HYDIN: variants seen among roughly 807,000 people sequenced by gnomAD.
HYDIN encodes the protein axonemal central pair apparatus protein HYDIN.
A neutral mutation model predicts 403.9 loss-of-function variants in HYDIN; 132 were observed. The ratio of observed to expected loss-of-function variants is 0.33; its 90% CI spans 0.28 to 0.38. HYDIN has a LOEUF of 0.38. Ranked by LOEUF, HYDIN falls within the 10% of genes least tolerant of loss-of-function variation. The probability of loss-of-function intolerance (pLI) is 1.00; values close to 1 mark genes in which losing one functional copy is unlikely to be tolerated. For missense variants in HYDIN, 2,827 were observed against 5,009.5 expected, an observed-to-expected ratio of 0.56 and a Z score of 13.15; for synonymous variants, 1,202 against 1,891.7, an observed-to-expected ratio of 0.64 and a Z score of 9.46.
rs1364034221 is a variant in HYDIN, at chr16:70,868,777, G to A, written c.11103C>T (p.Leu3701=). The A allele has an allele frequency of 2.5e-6, 4 of 1,613,760 alleles. No individual in the cohort carries two copies. Among genetic ancestry groups the A allele is most frequent in the Admixed American group, 3.3e-5 (2 of 59,960 alleles). ...CTATGTCCTTGGCACACCCAGGGTGGAGGTGGCCCATCTAGGAAAGAGCCT... is the reference window on the plus strand; with the variant it reads ...CTATGTCCTTGGCACACCCAGGGTGAAGGTGGCCCATCTAGGAAAGAGCCT... ...TIAFSPQMGH[L]HPGCAKDIVV... The change falls in exon 66 of 86, where the codon CTC becomes CTT. Residue 3701 remains leucine, a synonymous_variant. Transcript: ENST00000393567.
intron 47 of HYDIN, among the ~76,000 whole-genome samples, chr16:70,914,207 T>A (rs891369105): frequency 3.9e-5 from 6 of 152,170 alleles, no homozygotes; most frequent in South Asian, 2.1e-4. Flanking sequence ...TTGTTTTTTT[T>A]AATTGTATTT....
chr16:71,220,776 C>G (rs1404951154), intron 1 of HYDIN, among the ~76,000 whole-genome samples: 5 of 152,068 alleles, frequency 3.3e-5, no homozygotes, highest in Admixed American at 1.3e-4. Context: ...TAATTTTTTA[C>G]AAGGAGTATG....
chr16:71,186,904 ATT>A lies in HYDIN; in HGVS notation c.-11_-10del. The A allele has an allele frequency of 6.3e-7, 1 of 1,597,380 alleles. No individual in the cohort carries two copies. Among genetic ancestry groups the A allele is most frequent in the Non-Finnish European group, 8.5e-7 (1 of 1,170,528 alleles). On this transcript the variant is annotated 5_prime_UTR_variant, in exon 2 of 86. Coordinates refer to ENST00000393567, the MANE Select transcript of HYDIN (RefSeq NM_001270974.2). The stretch of plus-strand genomic sequence containing the variant: ...AGTCTTCTACTTGTCATTTTTAGTA[ATT>A]TTTTTTTCTCACCTAAGAGTGAAAC...
intron 73 of HYDIN, among the ~76,000 whole-genome samples, chr16:70,854,065 A>T (rs992916927): frequency 1.1e-4 from 17 of 150,810 alleles, no homozygotes; most frequent in Non-Finnish European, 2.2e-4. Context: ...GTTTTAGTAG[A>T]GACGGGGTTT....
In HYDIN at chr16:70,809,776, C is replaced by T. The variant is rs139019821; in HGVS notation, c.14883+7G>A. Reference sequence around the variant, plus strand: ...GAAGGGCAGAAGGTAGAGCAGGGGCCACTCACCCTGCAGTAGTATTCTGTC... The same window carrying T: ...GAAGGGCAGAAGGTAGAGCAGGGGCTACTCACCCTGCAGTAGTATTCTGTC... On this transcript the variant is annotated splice_region_variant and intron_variant, in intron 85 of 85. Coordinates refer to ENST00000393567, the MANE Select transcript of HYDIN (RefSeq NM_001270974.2). 1.2e-6 allele frequency: 2 copies of T among 1,601,326 alleles called. No individual in the cohort carries two copies. Among genetic ancestry groups the T allele is most frequent in the Non-Finnish European group, 1.7e-6 (2 of 1,168,534 alleles).
chr16:71,040,191 GGTT>G lies in HYDIN; in HGVS notation c.2530-8277_2530-8275del, dbSNP rs1318246284. Among the ~76,000 whole-genome samples, 4 of 152,102 alleles carry G rather than the reference GGTT, an allele frequency of 2.6e-5. No homozygotes were observed. In the East Asian group the frequency reaches 7.8e-4, roughly 30 times the overall value. Reference sequence around the variant, plus strand: ...CTTGCTGGTGCCGATGCGGTTGGCTGGTTTCAGCACTCATGCATTCCAGTTCCC... The same window carrying G: ...CTTGCTGGTGCCGATGCGGTTGGCTGTCAGCACTCATGCATTCCAGTTCCC... On this transcript the variant is annotated intron_variant, in intron 18 of 85. Transcript: ENST00000393567.
chr16:71,028,472 TA>T (rs1464294711), intron 19 of HYDIN, among the ~76,000 whole-genome samples: 1 of 152,142 alleles, frequency 6.6e-6, no homozygotes, highest in Non-Finnish European at 1.5e-5. Flanking sequence ...AAATATTTAC[TA>T]AGAACGTTCC....
At chr16:70,851,741 T>TA (rs1374400703) in intron 73 of HYDIN, among the ~76,000 whole-genome samples, 2 of 137,722 alleles carry the variant, frequency 1.5e-5, no homozygotes, top group Non-Finnish European at 3.1e-5. Flanking sequence ...AGCAATCTCA[T>TA]AAAAAACAAA....
intron 23 of HYDIN, among the ~76,000 whole-genome samples, chr16:71,007,697 T>C (rs1414223228): frequency 1.5e-5 from 2 of 134,836 alleles, no homozygotes; most frequent in Non-Finnish European, 3.1e-5. Flanking sequence ...TATACATTGT[T>C]GGTGGGAATA....
At chr16:70,832,819 C>A (rs750296131) in intron 80 of HYDIN, 29 bp downstream of exon 80, 1 of 1,588,910 alleles carries the variant, frequency 6.3e-7, no homozygotes, top group East Asian at 2.2e-5. Flanking sequence ...ACTCCTGCCA[C>A]TGGGCCACCC....
chr16:71,125,939 A>G (rs1402459964), intron 9 of HYDIN, among the ~76,000 whole-genome samples: 1 of 150,424 alleles, frequency 6.6e-6, no homozygotes, highest in Non-Finnish European at 1.5e-5. Context: ...TGCACCACCC[A>G]TCTCACCCTC....
intron 13 of HYDIN, among the ~76,000 whole-genome samples, chr16:71,079,111 C>T (rs199617442): frequency 0.018 from 2,728 of 151,536 alleles, 129 homozygotes; most frequent in East Asian, 0.15. Flanking sequence ...GTGAGTATGA[C>T]GGCTAAGGTT....
intron 83 of HYDIN, among the ~76,000 whole-genome samples, chr16:70,820,187 C>CTTTTTTTTTTTTTTTTT (rs57769826): frequency 1.1e-5 from 1 of 91,816 alleles, no homozygotes; most frequent in East Asian, 3.4e-4. Flanking sequence ...TTTCTTTTTT[C>CTTTTTTTTTTTTTTTTT]TTTTTTTTTT....
intron 7 of HYDIN, among the ~76,000 whole-genome samples, chr16:71,148,319 T>C (rs1365248327): frequency 6.6e-6 from 1 of 152,126 alleles, no homozygotes; most frequent in African/African-American, 2.4e-5. Context: ...CTTCTGAGAC[T>C]GAGAACAAGA....
chr16:70,850,885 C>T (rs561847207), intron 73 of HYDIN, among the ~76,000 whole-genome samples: 34 of 152,156 alleles, frequency 2.2e-4, no homozygotes, highest in South Asian at 6.2e-4. Flanking sequence ...AGCCACACAC[C>T]TACAATCATC....
intron 47 of HYDIN, among the ~76,000 whole-genome samples, chr16:70,912,477 TTAAC>T (rs2076721306): frequency 1.0e-5 from 1 of 97,316 alleles, no homozygotes. Context: ...TCATTGTGGA[TTAAC>T]TTTTTGATAT....
intron 55 of HYDIN, among the ~76,000 whole-genome samples, chr16:70,892,871 A>G (rs567784214): frequency 2.0e-5 from 3 of 152,352 alleles, no homozygotes; most frequent in South Asian, 4.1e-4. Flanking sequence ...CTTTCAGCAC[A>G]TGCAGAGCGA....
At chr16:70,861,152 T>G (rs2039389427) in intron 69 of HYDIN, among the ~76,000 whole-genome samples, 1 of 152,022 alleles carries the variant, frequency 6.6e-6, no homozygotes, top group Admixed American at 6.5e-5. Flanking sequence ...GTTGAGAAAA[T>G]ATTCCTGCTG....
chr16:71,070,166 T>C (rs147221775), intron 13 of HYDIN, among the ~76,000 whole-genome samples: 30 of 152,330 alleles, frequency 2.0e-4, no homozygotes, highest in African/African-American at 7.2e-4. Context: ...TCCAGCTTTG[T>C]TCCGTGAGAC....
Sources: allele counts gnomAD v4.1 joint callset (sites outside exome capture counted in the v4.1 genomes callset), GRCh38; gene constraint gnomAD v4.1.1; transcripts MANE v1.5; gene names NCBI Gene and HGNC (gene_info 2026-07-23, HGNC 2026-07-21).